AFAP1L2: variants seen among roughly 807,000 people sequenced by gnomAD.
The protein encoded by AFAP1L2 is actin filament associated protein 1 like 2.
In AFAP1L2, 46 loss-of-function variants were observed where a neutral mutation model predicts 99.3. That is an observed-to-expected ratio of 0.46 (90% confidence interval 0.37 to 0.59). AFAP1L2 has a LOEUF of 0.59. Ranked by LOEUF, AFAP1L2 falls within the 20% of genes least tolerant of loss-of-function variation. The pLI is 0.00. For synonymous variants in AFAP1L2, 397 were observed against 419.1 expected, an observed-to-expected ratio of 0.95 and a Z score of 0.64; for missense variants, 959 against 1,034.9, an observed-to-expected ratio of 0.93 and a Z score of 1.01.
downstream of AFAP1L2, chr10:114,291,295 A>G: frequency 6.5e-7 from 1 of 1,528,282 alleles, no homozygotes; most frequent in Admixed American, 2.1e-5. Context: ...AACTACAGAG[A>G]AGGCCTGGGC....
chr10:114,281,425 G>A, the AFAP1L2 span, among the ~76,000 whole-genome samples: 8 of 152,320 alleles, frequency 5.3e-5, no homozygotes, highest in East Asian at 3.9e-4. Context: ...GCTGTGTTCC[G>A]GTAATTATGT....
intron 1 of AFAP1L2, among the ~76,000 whole-genome samples, chr10:114,358,273 T>C (rs1287297495): frequency 2.6e-5 from 4 of 152,210 alleles, no homozygotes; most frequent in African/African-American, 7.2e-5. Context: ...CACAAAATGC[T>C]ATCAATAATA....
chr10:114,354,694 T>C (rs2051058820), intron 1 of AFAP1L2, among the ~76,000 whole-genome samples: 1 of 152,186 alleles, frequency 6.6e-6, no homozygotes, highest in African/African-American at 2.4e-5. Flanking sequence ...GGATGCATAA[T>C]TGGAGTTAGA....
intron 1 of AFAP1L2, among the ~76,000 whole-genome samples, chr10:114,342,881 G>T (rs190962352): frequency 6.6e-6 from 1 of 152,208 alleles, no homozygotes; most frequent in Non-Finnish European, 1.5e-5. Context: ...TGTCTGTGTC[G>T]CCATTTAGCT....
chr10:114,286,336 G>A, the AFAP1L2 span: 287 of 1,613,198 alleles, frequency 1.8e-4, 2 homozygotes, highest in East Asian at 1.1e-3. Flanking sequence ...CGGGCCCAGC[G>A]CGTCACGCAA....
intron 7 of AFAP1L2, among the ~76,000 whole-genome samples, chr10:114,310,803 T>C (rs2043117097): frequency 6.6e-6 from 1 of 152,224 alleles, no homozygotes; most frequent in Non-Finnish European, 1.5e-5. Flanking sequence ...ACTGTTCTGT[T>C]GCAGGCGTGA....
intron 16 of AFAP1L2, 87 bp downstream of exon 16, chr10:114,299,173 T>A (rs1053313689): frequency 6.9e-5 from 105 of 1,514,986 alleles, no homozygotes; most frequent in Middle Eastern, 2.1e-4. Flanking sequence ...ATTGAGAAGG[T>A]GTGGTGACAG....
intron 1 of AFAP1L2, among the ~76,000 whole-genome samples, chr10:114,349,488 T>G (rs1590403099): frequency 7.7e-6 from 1 of 129,034 alleles, no homozygotes. Flanking sequence ...ACCCTGGAGG[T>G]GGGAGGATTG....
chr10:114,371,455 C>A (rs2244178), intron 1 of AFAP1L2, among the ~76,000 whole-genome samples: 25,674 of 151,982 alleles, frequency 0.17, 2,756 homozygotes, highest in Non-Finnish European at 0.24. Flanking sequence ...CATCAGTCCC[C>A]CGCGAAAAAA....
chr10:114,283,390 T>TA, the AFAP1L2 span, among the ~76,000 whole-genome samples: 1 of 147,092 alleles, frequency 6.8e-6, no homozygotes, highest in South Asian at 2.1e-4. Flanking sequence ...AGCGAGCAGT[T>TA]AGACACACAG....
chr10:114,300,369 G>C lies in AFAP1L2; in HGVS notation c.1789-7C>G. The C allele has an allele frequency of 1.9e-6, 3 of 1,614,148 alleles. No individual in the cohort carries two copies. Among genetic ancestry groups the C allele is most frequent in the Non-Finnish European group, 2.5e-6 (3 of 1,180,012 alleles). ...GCTCCAAACTCTCCAGCTGCTTTGG[G>C]GGAAAGCAGACCTGACTCAGCTGGC... On this transcript the variant is annotated splice_region_variant and splice_polypyrimidine_tract_variant and intron_variant, in intron 14 of 18. Transcript: ENST00000304129.
rs567032671 is a variant in AFAP1L2, at chr10:114,310,478, G to A, written c.793-35C>T. 8.8e-6 allele frequency: 14 copies of A among 1,595,446 alleles called. No homozygotes were observed. The East Asian group carries it at 2.9e-4, about 33-fold the overall frequency. ...GAGGGAAGCCGTCAGCAGAGGCTGA[G>A]GTCCTCTGGCCAGCACTCACAGCCA... On this transcript the variant is annotated intron_variant, in intron 7 of 18. Coordinates refer to ENST00000304129, the MANE Select transcript of AFAP1L2 (RefSeq NM_001001936.3).
chr10:114,294,760 A>T, downstream of AFAP1L2: 1 of 922,628 alleles, frequency 1.1e-6, no homozygotes, highest in Non-Finnish European at 1.3e-6. Flanking sequence ...AAATAACCAA[A>T]ACATTTCCTC....
chr10:114,291,865 A>G (rs7095256), downstream of AFAP1L2, among the ~76,000 whole-genome samples: 726 of 152,322 alleles, frequency 4.8e-3, 3 homozygotes, highest in African/African-American at 0.017. Context: ...AATGTGACCA[A>G]TTAACCAGCT....
intron 5 of AFAP1L2, among the ~76,000 whole-genome samples, chr10:114,321,155 G>T (rs567513428): frequency 5.1e-4 from 78 of 152,238 alleles, no homozygotes; most frequent in African/African-American, 1.9e-3. Context: ...AGTTTTTGGG[G>T]TTCAGGTGGA....
chr10:114,320,035 C>T (rs1329150097), intron 5 of AFAP1L2, among the ~76,000 whole-genome samples: 1 of 152,148 alleles, frequency 6.6e-6, no homozygotes, highest in East Asian at 1.9e-4. Flanking sequence ...AGCCCGGGCA[C>T]CTAATCTACA....
intron 4 of AFAP1L2, among the ~76,000 whole-genome samples, chr10:114,328,643 T>C (rs1274397541): frequency 2.0e-5 from 3 of 152,212 alleles, no homozygotes; most frequent in African/African-American, 7.2e-5. Flanking sequence ...CTGGCTAGCA[T>C]GGCCATGGGG....
rs557596702 is a variant in AFAP1L2, at chr10:114,379,959, T to C, written c.16+24481A>G. On this transcript the variant is annotated intron_variant, in intron 1 of 18. Coordinates refer to ENST00000304129, the MANE Select transcript of AFAP1L2 (RefSeq NM_001001936.3). ...GGCTTTGTATGTTTTCTGTGGCAAATGCTTTTGCTATCCCTTTGTGAGGCG... is the reference window on the plus strand; with the variant it reads ...GGCTTTGTATGTTTTCTGTGGCAAACGCTTTTGCTATCCCTTTGTGAGGCG... Among the ~76,000 whole-genome samples, 15 of 152,334 alleles carry C rather than the reference T, an allele frequency of 9.8e-5. No homozygotes were observed. In the East Asian group the frequency reaches 2.9e-3, roughly 29 times the overall value.
At chr10:114,326,234 G>A (rs2046271067) in intron 4 of AFAP1L2, among the ~76,000 whole-genome samples, 1 of 152,172 alleles carries the variant, frequency 6.6e-6, no homozygotes, top group Admixed American at 6.5e-5. Flanking sequence ...CGCGAGGTGT[G>A]CAAAATGTAT....
Sources: gnomAD v4.1 joint callset for allele counts (sites outside exome capture counted in the v4.1 genomes callset) on GRCh38, gnomAD v4.1.1 for gene constraint, MANE v1.5 for transcripts, NCBI Gene and HGNC (gene_info 2026-07-23, HGNC 2026-07-21) for gene names.